Variants in P4HA1 observed in about 807,000 individuals in gnomAD.
P4HA1 encodes prolyl 4-hydroxylase subunit alpha-1.
A neutral mutation model predicts 72.8 loss-of-function variants in P4HA1; 24 were observed. The ratio of observed to expected loss-of-function variants is 0.33; its 90% confidence interval spans 0.24 to 0.46. P4HA1 has a LOEUF of 0.46. Ranked by LOEUF, P4HA1 falls within the 20% of genes least tolerant of loss-of-function variation. The pLI is 1.00. For missense variants in P4HA1, 446 were observed against 640.6 expected (o/e 0.70, Z 3.28); for synonymous variants, 201 against 218.8 (o/e 0.92, Z 0.72).
chr10:73,069,010 A>T, intron 4 of P4HA1, 27 bp from the exon 5 acceptor site: 2 of 1,557,290 alleles, frequency 1.3e-6, no homozygotes, highest in Non-Finnish European at 1.8e-6. Context: ...CAAAGAAAAA[A>T]AAACTGTAGA....
At chr10:73,084,688 A>G (rs887317090) in intron 1 of P4HA1, among the ~76,000 whole-genome samples, 2 of 152,230 alleles carry the variant, frequency 1.3e-5, no homozygotes, top group African/African-American at 4.8e-5. Flanking sequence ...CATTCTCTTT[A>G]GAAAATGACC....
chr10:73,053,530 T>C lies in P4HA1; in HGVS notation c.524A>G (p.Tyr175Cys). Residue 175 changes from tyrosine to cysteine, a missense_variant, in exon 6 of 15, where the codon TAT becomes TGT. Physicochemically the swap from Tyr to Cys is radical, Grantham distance 194. Coordinates refer to ENST00000394890, the MANE Select transcript of P4HA1 (RefSeq NM_001017962.3). ...EDCFELGKVAYTEADYYHTEL... is the reference protein window; with the variant it reads ...EDCFELGKVACTEADYYHTEL... ...CGTATGGTAATAATCTGCTTCTGTA[T>C]AGGCCACTTTGCCCAACTCAAAGCA... 1.2e-6 allele frequency: 2 copies of C among 1,614,060 alleles called. No individual in the cohort carries two copies. Among genetic ancestry groups the C allele is most frequent in the South Asian group, 1.1e-5 (1 of 91,084 alleles).
At chr10:73,031,556 T>C (rs1257690153) in intron 9 of P4HA1, among the ~76,000 whole-genome samples, 1 of 152,144 alleles carries the variant, frequency 6.6e-6, no homozygotes, top group East Asian at 1.9e-4. Context: ...CCACATGTTA[T>C]ATAATGCCAC....
At chr10:73,095,143 A>G (rs1842133886) in intron 1 of P4HA1, among the ~76,000 whole-genome samples, 2 of 151,828 alleles carry the variant, frequency 1.3e-5, no homozygotes, top group African/African-American at 4.8e-5. Flanking sequence ...TATTAAAGGT[A>G]AGTGATAAAG....
At chr10:73,070,680 A>C (rs987760956) in intron 4 of P4HA1, among the ~76,000 whole-genome samples, 10 of 152,094 alleles carry the variant, frequency 6.6e-5, no homozygotes, top group African/African-American at 2.2e-4. Context: ...CTCTATATGG[A>C]ATTTTACAAG....
At chr10:73,068,717 C>G in intron 5 of P4HA1, 129 bp downstream of exon 5, 2 of 722,012 alleles carry the variant, frequency 2.8e-6, no homozygotes, top group South Asian at 3.7e-5. Flanking sequence ...CTTTAGTCTT[C>G]GAAGGCTATG....
chr10:73,070,228 G>A (rs1322501380), intron 4 of P4HA1, among the ~76,000 whole-genome samples: 1 of 132,844 alleles, frequency 7.5e-6, no homozygotes, highest in Non-Finnish European at 1.5e-5. Flanking sequence ...TGCAATCTTG[G>A]CTCATGGCAA....
At chr10:73,089,224 T>G (rs1248793774) in intron 1 of P4HA1, among the ~76,000 whole-genome samples, 6 of 152,202 alleles carry the variant, frequency 3.9e-5, no homozygotes, top group African/African-American at 1.4e-4. Flanking sequence ...AGATGGGAAT[T>G]TTTCACTTTA....
intron 10 of P4HA1, among the ~76,000 whole-genome samples, chr10:73,026,927 TCATTAAA>T (rs1227921349): frequency 1.3e-5 from 2 of 152,254 alleles, no homozygotes; most frequent in African/African-American, 4.8e-5. Flanking sequence ...AGAATGGCAA[TCATTAAA>T]AAGTGAGGAA....
At chr10:73,090,366 T>C (rs1842003255) in intron 1 of P4HA1, among the ~76,000 whole-genome samples, 1 of 152,148 alleles carries the variant, frequency 6.6e-6, no homozygotes, top group Non-Finnish European at 1.5e-5. Context: ...ACTCCTGGGC[T>C]CAAGCAGTCC....
intron 1 of P4HA1, among the ~76,000 whole-genome samples, chr10:73,077,436 C>T (rs868438678): frequency 6.6e-6 from 1 of 152,016 alleles, no homozygotes; most frequent in Non-Finnish European, 1.5e-5. Flanking sequence ...AACCATTAGC[C>T]TACAGAAATA....
chr10:73,010,834 G>A, intron 13 of P4HA1, 135 bp downstream of exon 13: 1 of 643,768 alleles, frequency 1.6e-6, no homozygotes, highest in East Asian at 2.8e-5. Context: ...CTCCAGCCTG[G>A]GCAACAGAGC....
At chr10:73,076,868 A>G (rs1044103390) in intron 1 of P4HA1, among the ~76,000 whole-genome samples, 4 of 152,196 alleles carry the variant, frequency 2.6e-5, no homozygotes, top group Non-Finnish European at 2.9e-5. Context: ...GAGCTAAACC[A>G]AAAGGCTCAG....
At chr10:73,076,299 A>C (rs1481752100) in intron 1 of P4HA1, among the ~76,000 whole-genome samples, 1 of 151,666 alleles carries the variant, frequency 6.6e-6, no homozygotes, top group East Asian at 1.9e-4. Flanking sequence ...CCTGGGCTCA[A>C]ATCATCCTCC....
chr10:73,030,480 C>T, intron 9 of P4HA1, 110 bp from the exon 10 acceptor site: 2 of 451,154 alleles, frequency 4.4e-6, no homozygotes, highest in Non-Finnish European at 7.5e-6. Context: ...TAAACCTTTA[C>T]TGAAGGCATT....
At chr10:73,012,683 T>C (rs544473135) in intron 12 of P4HA1, among the ~76,000 whole-genome samples, 1 of 152,172 alleles carries the variant, frequency 6.6e-6, no homozygotes, top group Non-Finnish European at 1.5e-5. Flanking sequence ...CAGATTTTGG[T>C]AGGGAGTGAG....
chr10:73,072,726 TATCA>T (rs1237652622), intron 3 of P4HA1, among the ~76,000 whole-genome samples: 3 of 152,200 alleles, frequency 2.0e-5, no homozygotes, highest in Non-Finnish European at 2.9e-5. Flanking sequence ...AGAAAAACTG[TATCA>T]ATTAAATAAC....
chr10:73,087,378 C>A (rs141702741), intron 1 of P4HA1, among the ~76,000 whole-genome samples: 1 of 151,094 alleles, frequency 6.6e-6, no homozygotes, highest in African/African-American at 2.4e-5. Context: ...AAGTGATTCT[C>A]GTGTCTCAGC....
Position 73,046,993 on chromosome 10 carries a change from T to C in P4HA1, c.1009A>G (p.Ile337Val). 2 of 1,613,274 alleles carry C rather than the reference T, an allele frequency of 1.2e-6. No homozygotes were observed. Among genetic ancestry groups the C allele is most frequent in the East Asian group, 2.2e-5 (1 of 44,832 alleles). Residue 337 changes from isoleucine to valine, a missense_variant, in exon 8 of 15, where the codon ATT becomes GTT. By Grantham distance (29) the Ile-to-Val change is conservative (BLOSUM62 3). Coordinates refer to ENST00000394890, the MANE Select transcript of P4HA1 (RefSeq NM_001017962.3). ...GAAATAATATCATGGAAGCGAATAA[T>C]ACGAGGCTTGTCCCATTCATCCTCC... Reference protein sequence around the residue: ...KQEDEWDKPRIIRFHDIISDA... With the variant: ...KQEDEWDKPRVIRFHDIISDA...
Sources: gnomAD v4.1 joint callset for allele counts (sites outside exome capture counted in the v4.1 genomes callset) on GRCh38, gnomAD v4.1.1 for gene constraint, MANE v1.5 for transcripts, NCBI Gene and HGNC (gene_info 2026-07-23, HGNC 2026-07-21) for gene names.